Variants in ERBB4 observed in about 807,000 individuals in gnomAD.
ERBB4 encodes erb-b2 receptor tyrosine kinase 4.
ERBB4 carries 42 observed loss-of-function variants against 158.0 expected under a neutral mutation model. That is an observed-to-expected ratio of 0.27 (90% CI 0.21 to 0.34). The LOEUF is 0.34. ERBB4 is among the 10% of genes least tolerant of loss of function. The pLI, the probability that ERBB4 is intolerant of heterozygous loss-of-function variation, is 1.00. For synonymous variants in ERBB4, 583 were observed against 558.7 expected (o/e 1.04, Z -0.61); for missense variants, 1,333 against 1,624.1 (o/e 0.82, Z 3.08).
intron 16 of ERBB4, among the ~76,000 whole-genome samples, chr2:211,653,265 G>T (rs1310066731): frequency 2.0e-5 from 3 of 152,070 alleles, no homozygotes; most frequent in East Asian, 1.9e-4. Context: ...TATTCTAGGA[G>T]ACTAAAGGTA....
At chr2:212,172,359 T>C (rs2081543483) in intron 1 of ERBB4, among the ~76,000 whole-genome samples, 1 of 152,150 alleles carries the variant, frequency 6.6e-6, no homozygotes, top group Non-Finnish European at 1.5e-5. Context: ...ACTGTGGTGA[T>C]TCCTCAAAGA....
intron 2 of ERBB4, among the ~76,000 whole-genome samples, chr2:211,965,717 TGAAAA>T (rs1245978076): frequency 6.6e-6 from 1 of 152,138 alleles, no homozygotes; most frequent in Non-Finnish European, 1.5e-5. Flanking sequence ...AACATTGACT[TGAAAA>T]GAAAATCCTT....
intron 1 of ERBB4, among the ~76,000 whole-genome samples, chr2:212,453,665 G>A (rs1688124644): frequency 2.0e-5 from 3 of 151,978 alleles, no homozygotes; most frequent in Admixed American, 2.0e-4. Flanking sequence ...TATTACACCA[G>A]GGTCTTTTGT....
At chr2:211,871,874 G>A (rs2078354108) in intron 3 of ERBB4, among the ~76,000 whole-genome samples, 1 of 152,050 alleles carries the variant, frequency 6.6e-6, no homozygotes. Flanking sequence ...TGCTCGCTGT[G>A]ATAGAAATGT....
chr2:211,560,261 G>GTTTTTTTTTTTT (rs2067349395), intron 20 of ERBB4, among the ~76,000 whole-genome samples: 1 of 82,878 alleles, frequency 1.2e-5, no homozygotes, highest in Non-Finnish European at 2.3e-5. Flanking sequence ...TTGAAGCTTA[G>GTTTTTTTTTTTT]CTTTTTTTTT....
chr2:211,603,253 G>A (rs1462248941), intron 19 of ERBB4, among the ~76,000 whole-genome samples: 1 of 151,140 alleles, frequency 6.6e-6, no homozygotes, highest in African/African-American at 2.5e-5. Context: ...AATAAATAAA[G>A]GATTAAAGGA....
At chr2:212,372,463 T>G (rs1401658199) in intron 1 of ERBB4, among the ~76,000 whole-genome samples, 3 of 152,112 alleles carry the variant, frequency 2.0e-5, no homozygotes, top group African/African-American at 7.2e-5. Flanking sequence ...CTTAAAAAGA[T>G]GCCTGGCCAG....
intron 2 of ERBB4, among the ~76,000 whole-genome samples, chr2:212,005,055 G>C (rs62183381): frequency 6.6e-6 from 1 of 151,808 alleles, no homozygotes; most frequent in Non-Finnish European, 1.5e-5. Context: ...AACTTTAAAA[G>C]GTATACATCA....
intron 20 of ERBB4, among the ~76,000 whole-genome samples, chr2:211,511,816 C>T (rs1054972184): frequency 6.6e-6 from 1 of 151,838 alleles, no homozygotes; most frequent in Non-Finnish European, 1.5e-5. Flanking sequence ...TGTCTTTTTC[C>T]CCTACGCCAT....
chr2:211,905,681 TACAC>T (rs1553663425), intron 3 of ERBB4, among the ~76,000 whole-genome samples: 22 of 110,582 alleles, frequency 2.0e-4, no homozygotes, highest in South Asian at 5.2e-4. Context: ...TATATATATA[TACAC>T]ACATATATGT....
intron 3 of ERBB4, among the ~76,000 whole-genome samples, chr2:211,831,964 C>T (rs1408081167): frequency 6.6e-6 from 1 of 152,000 alleles, no homozygotes; most frequent in African/African-American, 2.4e-5. Flanking sequence ...ATTTGTATTT[C>T]TTTTTAACTA....
At chr2:211,851,231 C>T (rs2077714061) in intron 3 of ERBB4, among the ~76,000 whole-genome samples, 2 of 151,730 alleles carry the variant, frequency 1.3e-5, no homozygotes, top group South Asian at 4.2e-4. Context: ...TGAAATAACC[C>T]ATTACGTAAT....
intron 20 of ERBB4, among the ~76,000 whole-genome samples, chr2:211,444,098 G>A (rs2064053633): frequency 6.6e-6 from 1 of 151,032 alleles, no homozygotes; most frequent in Non-Finnish European, 1.5e-5. Context: ...CATCGTTAAA[G>A]TTTGTGGGGT....
intron 19 of ERBB4, among the ~76,000 whole-genome samples, chr2:211,581,271 A>G (rs1028290668): frequency 3.9e-5 from 6 of 152,220 alleles, no homozygotes; most frequent in Non-Finnish European, 8.8e-5. Flanking sequence ...CTATGGAAAT[A>G]AAACAATTAA....
chr2:212,316,726 G>A (rs549759434), intron 1 of ERBB4, among the ~76,000 whole-genome samples: 1 of 151,554 alleles, frequency 6.6e-6, no homozygotes, highest in South Asian at 2.1e-4. Flanking sequence ...AAAAAAAATG[G>A]AGAGATTTTT....
intron 1 of ERBB4, among the ~76,000 whole-genome samples, chr2:212,520,593 TA>T (rs1392538642): frequency 1.3e-5 from 2 of 151,956 alleles, no homozygotes; most frequent in Non-Finnish European, 2.9e-5. Context: ...ACAAAATTTC[TA>T]CCTATCTCTC....
intron 1 of ERBB4, among the ~76,000 whole-genome samples, chr2:212,209,554 C>G (rs1244562279): frequency 1.3e-5 from 2 of 152,044 alleles, no homozygotes; most frequent in Non-Finnish European, 2.9e-5. Flanking sequence ...AATGTGACTA[C>G]TTGGGCTAAA....
intron 1 of ERBB4, among the ~76,000 whole-genome samples, chr2:212,425,317 G>C (rs913355880): frequency 8.4e-6 from 1 of 119,286 alleles, no homozygotes; most frequent in Non-Finnish European, 1.6e-5. Context: ...TAATATATAT[G>C]TGTTGGATAA....
chr2:212,436,478 A>C (rs1420059945), intron 1 of ERBB4, among the ~76,000 whole-genome samples: 2 of 152,072 alleles, frequency 1.3e-5, no homozygotes, highest in Non-Finnish European at 2.9e-5. Flanking sequence ...AAATGCACTG[A>C]TATTTCCTCA....
Sources: gnomAD v4.1 joint callset for allele counts (sites outside exome capture counted in the v4.1 genomes callset) on GRCh38, gnomAD v4.1.1 for gene constraint, MANE v1.5 for transcripts, NCBI Gene and HGNC (gene_info 2026-07-23, HGNC 2026-07-21) for gene names.